Variants in CYRIB observed in about 807,000 individuals in gnomAD.
CYRIB encodes CYFIP-related Rac1 interactor B.
CYRIB carries 8 observed loss-of-function variants against 44.2 expected under a neutral mutation model. That is an observed-to-expected ratio of 0.18 (90% confidence interval 0.11 to 0.33). The LOEUF is 0.33. Ranked by LOEUF, CYRIB falls within the 10% of genes least tolerant of loss-of-function variation. The pLI is 1.00. For missense variants in CYRIB, 185 were observed against 382.8 expected (o/e 0.48, Z 4.31); for synonymous variants, 131 against 127.2 (o/e 1.03, Z -0.20).
At chr8:129,855,721 C>T (rs754811169) in exon 6 of CYRIB, 2 of 1,613,340 alleles carry the variant, frequency 1.2e-6, no homozygotes, top group African/African-American at 2.7e-5. Flanking sequence ...CTTGTTAAGG[C>T]TCCCAGAAGA....
Position 129,877,936 on chromosome 8 carries a change from T to C in CYRIB, c.73+1453A>G, listed in dbSNP as rs189552765. 4.6e-4 allele frequency among the ~76,000 whole-genome samples: 70 copies of C among 152,078 alleles called. No individual in the cohort carries two copies. The South Asian group carries it at 0.01, about 22-fold the overall frequency. On this transcript the variant is annotated intron_variant, in intron 3 of 11. Transcript: ENST00000519824. Reference sequence around the variant, plus strand: ...AGCAGAAAAAGACACAAGACCAAGTTTGAAACAGATGCAAATAAACTAAAA... The same window carrying C: ...AGCAGAAAAAGACACAAGACCAAGTCTGAAACAGATGCAAATAAACTAAAA...
chr8:129,957,408 A>C (rs972418157), intron 2 of CYRIB, among the ~76,000 whole-genome samples: 7 of 152,208 alleles, frequency 4.6e-5, no homozygotes, highest in African/African-American at 1.2e-4. Flanking sequence ...ATGTGGTAGA[A>C]ATTTGGATAG....
At chr8:129,846,662 T>A (rs543477864) in intron 11 of CYRIB, 142 bp downstream of exon 13, 1 of 606,020 alleles carries the variant, frequency 1.7e-6, no homozygotes, top group Admixed American at 3.8e-5. Context: ...AGATTATCAA[T>A]AAACAAAATA....
chr8:129,990,506 G>A (rs1591923373), intron 1 of CYRIB, among the ~76,000 whole-genome samples: 1 of 139,710 alleles, frequency 7.2e-6, no homozygotes, highest in South Asian at 2.2e-4. Context: ...GCGTGTGTGT[G>A]TGTGTGTGTG....
At chr8:129,981,910 G>A (rs1197497829) in intron 1 of CYRIB, among the ~76,000 whole-genome samples, 4 of 152,190 alleles carry the variant, frequency 2.6e-5, no homozygotes, top group African/African-American at 9.6e-5. Context: ...CACTCCTCAA[G>A]CTATAGGTGA....
At chr8:129,976,204 T>C (rs576967678) in intron 1 of CYRIB, among the ~76,000 whole-genome samples, 1 of 152,322 alleles carries the variant, frequency 6.6e-6, no homozygotes, top group South Asian at 2.1e-4. Flanking sequence ...TCTATCCCTG[T>C]TAATAAAATT....
chr8:129,952,281 G>A (rs960287494), intron 2 of CYRIB, among the ~76,000 whole-genome samples: 1 of 152,076 alleles, frequency 6.6e-6, no homozygotes, highest in African/African-American at 2.4e-5. Context: ...GGCTGGTCTC[G>A]AACTCCCGAC....
At chr8:129,926,225 C>T (rs529747379) in intron 1 of CYRIB, among the ~76,000 whole-genome samples, 1 of 152,322 alleles carries the variant, frequency 6.6e-6, no homozygotes, top group East Asian at 1.9e-4. Context: ...CACTCAGCCA[C>T]GGTTAACACT....
In CYRIB at chr8:129,958,364, G is replaced by A. The variant is rs140683461; in HGVS notation, c.-243+12579C>T. Among the ~76,000 whole-genome samples the A allele has an allele frequency of 2.5e-3, 377 of 152,244 alleles. 2 individuals carry two copies. Among genetic ancestry groups the A allele is most frequent in the African/African-American group, 8.4e-3 (347 of 41,548 alleles). ...TGGCAAATCATCTTCCTGATCTGTC[G>A]GATGTTACGTCTCTGCAGAATCTGG... On this transcript the variant is annotated intron_variant, in intron 2 of 14. Transcript: ENST00000401979.
At chr8:129,925,070 G>A (rs1195384479) in intron 1 of CYRIB, among the ~76,000 whole-genome samples, 1 of 152,148 alleles carries the variant, frequency 6.6e-6, no homozygotes, top group African/African-American at 2.4e-5. Context: ...GGGCAATTAT[G>A]TGCTATCAGA....
At chr8:129,911,310 C>T (rs2077882424) in intron 1 of CYRIB, among the ~76,000 whole-genome samples, 1 of 151,904 alleles carries the variant, frequency 6.6e-6, no homozygotes, top group South Asian at 2.1e-4. Flanking sequence ...AAGGTCATGA[C>T]TAGAGGGTAA....
intron 1 of CYRIB, among the ~76,000 whole-genome samples, chr8:129,922,338 T>C (rs993549404): frequency 6.6e-6 from 1 of 152,184 alleles, no homozygotes; most frequent in African/African-American, 2.4e-5. Context: ...CTTCCCAATT[T>C]AAAGCCATTC....
At chr8:129,931,997 C>CTT (rs1235113746) in intron 1 of CYRIB, among the ~76,000 whole-genome samples, 20 of 129,428 alleles carry the variant, frequency 1.5e-4, no homozygotes, top group African/African-American at 2.6e-4. Flanking sequence ...TAAGTATCTT[C>CTT]TTTTTTTTTT....
At chr8:129,918,867 T>A (rs893866888) in intron 1 of CYRIB, among the ~76,000 whole-genome samples, 2 of 152,158 alleles carry the variant, frequency 1.3e-5, no homozygotes, top group Non-Finnish European at 2.9e-5. Flanking sequence ...AATGATTTGT[T>A]TGGGGAAAAG....
rs574286537 is a variant in CYRIB at position 129,930,136 on chromosome 8, G to A, written c.-50+9472C>T. On this transcript the variant is annotated intron_variant, in intron 1 of 11. Coordinates refer to ENST00000519824, the Ensembl canonical transcript of CYRIB. ...TGAGGCAGGAGAATCACTTGAACCCGGGAGGCGGAGCTTGCAGTGAGCCGA... is the reference window on the plus strand; with the variant it reads ...TGAGGCAGGAGAATCACTTGAACCCAGGAGGCGGAGCTTGCAGTGAGCCGA... Among the ~76,000 whole-genome samples, 246 of 151,442 alleles carry A rather than the reference G, an allele frequency of 1.6e-3. 1 individual carries two copies. The highest frequency in any genetic ancestry group is 5.6e-3 in the African/African-American group (233 of 41,302).
intron 3 of CYRIB, among the ~76,000 whole-genome samples, chr8:129,873,852 T>A (rs913337601): frequency 6.6e-6 from 1 of 152,034 alleles, no homozygotes; most frequent in Non-Finnish European, 1.5e-5. Flanking sequence ...AGTTTCCCTT[T>A]AGGGTGAGAA....
intron 3 of CYRIB, among the ~76,000 whole-genome samples, chr8:129,875,400 A>G (rs951936640): frequency 7.3e-5 from 11 of 151,038 alleles, no homozygotes; most frequent in Non-Finnish European, 1.0e-4. Flanking sequence ...TCATACAGAT[A>G]GAGTCTTGCC....
chr8:129,977,240 G>C (rs2095973193), intron 1 of CYRIB, among the ~76,000 whole-genome samples: 1 of 152,182 alleles, frequency 6.6e-6, no homozygotes, highest in African/African-American at 2.4e-5. Context: ...GACAGAGAAG[G>C]CATCTAACAG....
intron 4 of CYRIB, chr8:129,864,973 G>T (rs936666296): frequency 9.2e-6 from 2 of 217,674 alleles, no homozygotes; most frequent in South Asian, 6.0e-5. Flanking sequence ...GCAATGGCTT[G>T]GATGGTCCCT....
Sources: allele counts gnomAD v4.1 joint callset (sites outside exome capture counted in the v4.1 genomes callset), GRCh38; gene constraint gnomAD v4.1.1; transcripts MANE v1.5; gene names NCBI Gene and HGNC (gene_info 2026-07-23, HGNC 2026-07-21).